The following AMBN variants were observed in gnomAD, a reference collection of about 807,000 sequenced individuals.
The protein encoded by AMBN is ameloblastin, also known as enamel matrix protein.
Under a neutral mutation model 48.0 loss-of-function variants are expected in AMBN, and 54 were observed. The ratio of observed to expected loss-of-function variants is 1.12; its 90% CI spans 0.90 to 1.41. The LOEUF is 1.41. Ranked by LOEUF, AMBN falls within the 40% of genes most tolerant of loss-of-function variation. The pLI is 0.00. For missense variants in AMBN, 571 were observed against 547.3 expected (o/e 1.04, Z -0.43); for synonymous variants, 186 against 190.0 (o/e 0.98, Z 0.17).
chr4:70,601,162 C>T (rs139684640), intron 5 of AMBN, among the ~76,000 whole-genome samples: 111 of 152,276 alleles, frequency 7.3e-4, no homozygotes, highest in Non-Finnish European at 1.4e-3. Context: ...GGACATGACT[C>T]ATCCTACCAG....
Position 70,606,536 on chromosome 4 carries a change from G to C in AMBN, c.1150G>C (p.Asp384His). The change falls in exon 13 of 13, where the codon GAC (aspartate) becomes CAC (histidine). Residue 384 changes from aspartate (D) to histidine (H), a missense_variant. Asp to His is a moderately conservative substitution (Grantham distance 81, BLOSUM62 -1). Coordinates refer to ENST00000322937, the MANE Select transcript of AMBN (RefSeq NM_016519.6). ...CCCCAGCGTCACCCCAGCAGCTGCT[G>C]ACCCACTGATGACCCCTGAATTAGC... is the stretch of plus-strand genomic sequence containing the variant. ...GLPSVTPAAA[D>H]PLMTPELADV... 6.2e-7 allele frequency: 1 copy of C among 1,614,110 alleles called. No homozygotes were observed. The highest frequency in any genetic ancestry group is 8.5e-7 in the Non-Finnish European group (1 of 1,179,990).
rs957068163 is a variant in AMBN at position 70,607,099 on chromosome 4, A to G, written c.*369A>G. The G allele has an allele frequency of 5.8e-6, 1 of 172,374 alleles. No individual in the cohort carries two copies. Among genetic ancestry groups the G allele is most frequent in the African/African-American group, 2.4e-5 (1 of 42,046 alleles). 10.7% of individuals were successfully genotyped at this position (172,374 alleles called of 1,614,324 possible). On this transcript the variant is annotated 3_prime_UTR_variant, in exon 13 of 13. Transcript: ENST00000322937. ...CATGGCACTGCTTTTTTCTCTAAGCAAAGGCAAATATCCTCATAATTCTAA... is the reference window on the plus strand; with the variant it reads ...CATGGCACTGCTTTTTTCTCTAAGCGAAGGCAAATATCCTCATAATTCTAA...
intron 2 of AMBN, among the ~76,000 whole-genome samples, chr4:70,593,706 A>C (rs1737326561): frequency 6.6e-6 from 1 of 152,068 alleles, no homozygotes. Flanking sequence ...CTCTACTAAA[A>C]ATACAAAAAT....
In AMBN at chr4:70,606,875, A is replaced by G. The variant is rs1311780432; in HGVS notation, c.*145A>G. On this transcript the variant is annotated 3_prime_UTR_variant, in exon 13 of 13. Coordinates refer to ENST00000322937, the MANE Select transcript of AMBN (RefSeq NM_016519.6). ...CATATATTAATAAATGCAAGTGGCT[A>G]GAAATAGTGTAGGTCCCCTTCTTGC... The G allele has an allele frequency of 1.1e-6, 1 of 881,528 alleles. No individual in the cohort carries two copies. Among genetic ancestry groups the G allele is most frequent in the African/African-American group, 1.7e-5 (1 of 58,390 alleles). 54.6% of individuals were successfully genotyped at this position (881,528 alleles called of 1,614,324 possible).
chr4:70,604,965 C>G (rs1737608379), intron 12 of AMBN, among the ~76,000 whole-genome samples: 1 of 150,648 alleles, frequency 6.6e-6, no homozygotes, highest in Non-Finnish European at 1.5e-5. Context: ...TGCACTCCAG[C>G]CTGGGCAACA....
Position 70,602,623 on chromosome 4 carries a change from G to C in AMBN, c.532-1G>C, listed in dbSNP as rs146238585. ...AATTTTAATATTTATCTGTGATATA[G>C]CTCCCAGGAGTAGATTTTGCTGATC... On this transcript the variant is annotated splice_acceptor_variant, in intron 6 of 12. Coordinates refer to ENST00000322937, the MANE Select transcript of AMBN (RefSeq NM_016519.6). LOFTEE classifies it high-confidence loss of function. 6 of 1,564,514 alleles carry C rather than the reference G, an allele frequency of 3.8e-6. No individual in the cohort carries two copies. The African/African-American group carries it at 8.3e-5, about 22-fold the overall frequency.
At chr4:70,605,302 A>G (rs558971507) in intron 12 of AMBN, among the ~76,000 whole-genome samples, 2 of 152,328 alleles carry the variant, frequency 1.3e-5, no homozygotes, top group East Asian at 1.9e-4. Flanking sequence ...GTTAATTGCC[A>G]TCACATAGTA....
chr4:70,599,114 T>G (rs979916051), intron 4 of AMBN, among the ~76,000 whole-genome samples: 15 of 151,658 alleles, frequency 9.9e-5, no homozygotes, highest in African/African-American at 3.4e-4. Context: ...CACTTTTGCT[T>G]TTGCTATATT....
chr4:70,601,712 C>A, intron 6 of AMBN, 58 bp downstream of exon 6: 2 of 1,519,622 alleles, frequency 1.3e-6, no homozygotes, highest in Non-Finnish European at 1.8e-6. Context: ...TAGAAGAAAA[C>A]GAATTTGCAG....
chr4:70,602,576 T>C, intron 6 of AMBN, 48 bp from the exon 7 acceptor site: 10 of 1,373,378 alleles, frequency 7.3e-6, no homozygotes, highest in South Asian at 1.5e-5. Context: ...ACTTTGTCTA[T>C]TTTGTTTATT....
intron 4 of AMBN, 122 bp from the exon 5 acceptor site, chr4:70,599,414 C>G (rs1737465909): frequency 1.5e-6 from 1 of 679,480 alleles, no homozygotes; most frequent in South Asian, 2.0e-5. Flanking sequence ...GCACTCCAGC[C>G]TGGCGACAGA....
intron 3 of AMBN, 22 bp from the exon 4 acceptor site, chr4:70,598,334 A>G: frequency 1.3e-6 from 2 of 1,552,860 alleles, no homozygotes; most frequent in Non-Finnish European, 8.7e-7. Context: ...ATAAACAGTA[A>G]CCCACTTTTT....
rs1470897179 is a variant in AMBN, at chr4:70,606,365, C to T, written c.979C>T (p.Pro327Ser). The T allele has an allele frequency of 1.2e-6, 2 of 1,613,916 alleles. No homozygotes were observed. The highest frequency in any genetic ancestry group is 1.7e-6 in the Non-Finnish European group (2 of 1,180,010). Residue 327 changes from proline (P) to serine (S), a missense_variant, in exon 13 of 13, where the codon CCT (proline) becomes TCT (serine). Coordinates refer to ENST00000322937, the MANE Select transcript of AMBN (RefSeq NM_016519.6). ...ENEEGGAQGS[P>S]MPEANPDNLE... ...CGAAGAAGGAGGTGCACAAGGCTCC[C>T]CTATGCCGGAGGCCAACCCAGACAA...
rs555924488 is a variant in AMBN, at chr4:70,605,870, G to A, written c.799-315G>A. 5.3e-5 allele frequency among the ~76,000 whole-genome samples: 8 copies of A among 152,242 alleles called. No homozygotes were observed. In the South Asian group the frequency reaches 1.7e-3, roughly 32 times the overall value. On this transcript the variant is annotated intron_variant, in intron 12 of 12. Coordinates refer to ENST00000322937, the MANE Select transcript of AMBN (RefSeq NM_016519.6). ...TTTCAGTTCTTATTTGTTTTGTGAT[G>A]GTAGTACTCATTTCAACTGCTTGTT...
intron 2 of AMBN, among the ~76,000 whole-genome samples, chr4:70,593,863 T>TAAAAAAA (rs5859239): frequency 7.2e-6 from 1 of 138,272 alleles, no homozygotes. Context: ...AGACTCCATT[T>TAAAAAAA]AAAAAAAAAA....
Position 70,603,469 on chromosome 4 carries a change from A to C in AMBN, c.753+9A>C, listed in dbSNP as rs920493496. The stretch of plus-strand genomic sequence containing the variant: ...TTGGAGCAAATCAATTGGTAAGTCC[A>C]TATTCTATAAAAAGTATTGTTTTTA... On this transcript the variant is annotated intron_variant, in intron 11 of 12. Transcript: ENST00000322937. 1 of 1,609,044 alleles carries C rather than the reference A, an allele frequency of 6.2e-7. No homozygotes were observed. Among genetic ancestry groups the C allele is most frequent in the South Asian group, 1.1e-5 (1 of 90,222 alleles).
chr4:70,602,951 T>C (rs1409790656), intron 8 of AMBN, 21 bp from the exon 9 acceptor site: 4 of 1,587,886 alleles, frequency 2.5e-6, no homozygotes, highest in Non-Finnish European at 2.6e-6. Context: ...CTGATAATTT[T>C]AATATTTATC....
rs545457617 is a variant in AMBN, at chr4:70,595,797, G to A, written c.85-1202G>A. ...TCTTCCATTCGCCATGTTTTCTACC[G>A]GTATTTGTGTAAAGTAATAAGGATT... On this transcript the variant is annotated intron_variant, in intron 2 of 12. Transcript: ENST00000322937. 2.1e-4 allele frequency among the ~76,000 whole-genome samples: 32 copies of A among 152,040 alleles called. No individual in the cohort carries two copies. In the South Asian group the frequency reaches 5.6e-3, roughly 27 times the overall value.
At chr4:70,598,499 T>A in intron 4 of AMBN, 96 bp downstream of exon 4, 3 of 966,518 alleles carry the variant, frequency 3.1e-6, no homozygotes, top group Non-Finnish European at 4.4e-6. Context: ...GAATAGACAA[T>A]ATACTAAAGA....
Sources: gnomAD v4.1 joint callset for allele counts (sites outside exome capture counted in the v4.1 genomes callset) on GRCh38, gnomAD v4.1.1 for gene constraint, MANE v1.5 for transcripts, NCBI Gene and HGNC (gene_info 2026-07-23, HGNC 2026-07-21) for gene names.